CADPS2: variants seen among roughly 807,000 people sequenced by gnomAD.
The protein encoded by CADPS2 is calcium dependent secretion activator 2, also known as calcium-dependent secretion activator 2.
CADPS2 carries 93 observed loss-of-function variants against 172.5 expected under a neutral mutation model. That is an observed-to-expected ratio of 0.54 (90% CI 0.46 to 0.64). The LOEUF is 0.64. Ranked by LOEUF, CADPS2 falls within the 30% of genes least tolerant of loss-of-function variation. The probability of loss-of-function intolerance (pLI) is 0.00; values close to 1 mark genes in which losing one functional copy is unlikely to be tolerated. For synonymous variants in CADPS2, 546 were observed against 555.2 expected, an observed-to-expected ratio of 0.98 and a Z score of 0.23; for missense variants, 1,420 against 1,565.9, an observed-to-expected ratio of 0.91 and a Z score of 1.57.
At chr7:122,504,629 C>A (rs1372693723) in intron 9 of CADPS2, among the ~76,000 whole-genome samples, 2 of 152,080 alleles carry the variant, frequency 1.3e-5, no homozygotes, top group Admixed American at 1.3e-4. Context: ...TGCAGTGGTG[C>A]GATGATAGCT....
At chr7:122,878,959 G>A (rs1232165662) in intron 1 of CADPS2, among the ~76,000 whole-genome samples, 1 of 152,106 alleles carries the variant, frequency 6.6e-6, no homozygotes, top group Non-Finnish European at 1.5e-5. Context: ...CTGCAGGCCG[G>A]GCATCTTGAC....
At chr7:122,809,423 A>AAG in intron 1 of CADPS2, among the ~76,000 whole-genome samples, 1 of 151,636 alleles carries the variant, frequency 6.6e-6, no homozygotes, top group East Asian at 1.9e-4. Flanking sequence ...AAAAAAAGAA[A>AAG]AAAAAAATTT....
At chr7:122,511,508 G>A (rs1212817013) in intron 9 of CADPS2, among the ~76,000 whole-genome samples, 3 of 152,108 alleles carry the variant, frequency 2.0e-5, no homozygotes, top group African/African-American at 7.2e-5. Context: ...AAAAACCAGC[G>A]ACTAATGCAA....
At position 122,451,519 on chromosome 7, in the gene CADPS2, T is replaced by G. The variant is rs766354567; in HGVS notation, c.2187-44A>C. 13 of 1,119,850 alleles carry G rather than the reference T, an allele frequency of 1.2e-5. No homozygotes were observed. The East Asian group carries it at 3.4e-4, about 30-fold the overall frequency. The allele number at this position is 1,119,850 out of a possible 1,614,324, so 69.4% of individuals were successfully genotyped here. On this transcript the variant is annotated intron_variant, in intron 14 of 29. Coordinates refer to ENST00000449022, the MANE Select transcript of CADPS2 (RefSeq NM_017954.11). ...TCAATAATTCATATTGATCGAACAT[T>G]TACTTTTATATATTTTATACATATG...
intron 28 of CADPS2, among the ~76,000 whole-genome samples, chr7:122,334,967 A>G (rs1240223159): frequency 6.6e-6 from 1 of 152,200 alleles, no homozygotes; most frequent in Non-Finnish European, 1.5e-5. Flanking sequence ...TTTGATAAAT[A>G]TAGGTTCAAT....
At chr7:122,847,611 TGTC>T (rs373405973) in intron 1 of CADPS2, among the ~76,000 whole-genome samples, 12 of 152,310 alleles carry the variant, frequency 7.9e-5, no homozygotes, top group African/African-American at 2.9e-4. Flanking sequence ...TTTTTTTTCT[TGTC>T]ATCATTAACA....
At chr7:122,641,472 A>T (rs1204811014) in intron 3 of CADPS2, among the ~76,000 whole-genome samples, 2 of 152,010 alleles carry the variant, frequency 1.3e-5, no homozygotes, top group African/African-American at 4.8e-5. Context: ...AGAGATGCAT[A>T]TTTTTTTCCC....
chr7:122,695,091 T>C (rs949335912), intron 2 of CADPS2, among the ~76,000 whole-genome samples: 6 of 152,312 alleles, frequency 3.9e-5, no homozygotes, highest in African/African-American at 1.4e-4. Context: ...TGCAGGACAG[T>C]TGCATTATAA....
chr7:122,658,805 G>A (rs2080146155), intron 3 of CADPS2, among the ~76,000 whole-genome samples: 1 of 152,034 alleles, frequency 6.6e-6, no homozygotes, highest in Admixed American at 6.6e-5. Flanking sequence ...AATGGGTGCA[G>A]CACACCAACA....
At chr7:122,389,407 A>G (rs571506040) in intron 22 of CADPS2, among the ~76,000 whole-genome samples, 2 of 152,104 alleles carry the variant, frequency 1.3e-5, no homozygotes, top group African/African-American at 4.8e-5. Flanking sequence ...TCAGGTCCTT[A>G]TATCTAACTG....
chr7:122,686,872 A>G (rs2083700455), intron 2 of CADPS2, among the ~76,000 whole-genome samples: 1 of 152,006 alleles, frequency 6.6e-6, no homozygotes, highest in South Asian at 2.1e-4. Flanking sequence ...TTTAGTAGAG[A>G]CGGGGTTTTA....
intron 28 of CADPS2, among the ~76,000 whole-genome samples, chr7:122,343,349 C>A (rs1019342901): frequency 6.6e-6 from 1 of 152,142 alleles, no homozygotes; most frequent in East Asian, 1.9e-4. Context: ...GACCCATAGC[C>A]ATGTCAGATG....
chr7:122,423,763 G>A (rs2048816130), intron 17 of CADPS2, among the ~76,000 whole-genome samples: 1 of 152,154 alleles, frequency 6.6e-6, no homozygotes, highest in South Asian at 2.1e-4. Flanking sequence ...CAAATTGCTT[G>A]GCATCATTCC....
chr7:122,493,604 G>T (rs1270469450), intron 9 of CADPS2, among the ~76,000 whole-genome samples: 2 of 152,100 alleles, frequency 1.3e-5, no homozygotes, highest in Admixed American at 1.3e-4. Flanking sequence ...AACTGGTGTG[G>T]ACTTTCTGGA....
chr7:122,523,590 T>C (rs2131095511), intron 8 of CADPS2, among the ~76,000 whole-genome samples: 1 of 152,260 alleles, frequency 6.6e-6, no homozygotes, highest in South Asian at 2.1e-4. Flanking sequence ...ACAAATTGTA[T>C]ATATTTATGG....
intron 20 of CADPS2, among the ~76,000 whole-genome samples, chr7:122,400,790 T>C (rs1281954892): frequency 1.3e-5 from 2 of 152,208 alleles, no homozygotes; most frequent in African/African-American, 4.8e-5. Flanking sequence ...TAAACACCAA[T>C]TCGTGAATTT....
intron 15 of CADPS2, among the ~76,000 whole-genome samples, chr7:122,450,521 CTTTT>C (rs11422329): frequency 0.026 from 2,062 of 78,846 alleles, 19 homozygotes; most frequent in African/African-American, 0.069. Flanking sequence ...TATTGGTGGC[CTTTT>C]TTTTTTTTTT....
chr7:122,423,950 C>T (rs1310289831), intron 17 of CADPS2, among the ~76,000 whole-genome samples: 1 of 152,148 alleles, frequency 6.6e-6, no homozygotes, highest in East Asian at 1.9e-4. Context: ...TTCCTCCTTT[C>T]CCTGAAATCA....
chr7:122,646,819 G>A (rs1256758475), intron 3 of CADPS2, among the ~76,000 whole-genome samples: 1 of 152,144 alleles, frequency 6.6e-6, no homozygotes, highest in Non-Finnish European at 1.5e-5. Flanking sequence ...ATTAGAAGGA[G>A]AAAGTAGGTA....
Sources: allele counts gnomAD v4.1 joint callset (sites outside exome capture counted in the v4.1 genomes callset), GRCh38; gene constraint gnomAD v4.1.1; transcripts MANE v1.5; gene names NCBI Gene and HGNC (gene_info 2026-07-23, HGNC 2026-07-21).